CFAP57: variants seen among roughly 807,000 people sequenced by gnomAD.
CFAP57 encodes the protein cilia- and flagella-associated protein 57.
Under a neutral mutation model 146.8 loss-of-function variants are expected in CFAP57, and 116 were observed. That is an observed-to-expected ratio of 0.79 (90% CI 0.68 to 0.92). CFAP57 has a LOEUF of 0.92. Ranked by LOEUF, CFAP57 falls within the 40% of genes least tolerant of loss-of-function variation. CFAP57 has a pLI of 0.00. For synonymous variants in CFAP57, 518 were observed against 552.8 expected (o/e 0.94, Z 0.88); for missense variants, 1,377 against 1,527.2 (o/e 0.90, Z 1.64).
At chr1:43,190,722 T>C (rs1316532470) in intron 6 of CFAP57, among the ~76,000 whole-genome samples, 1 of 151,626 alleles carries the variant, frequency 6.6e-6, no homozygotes, top group Admixed American at 6.6e-5. Flanking sequence ...TTTTTTCCTG[T>C]GTCTATTGAA....
Position 43,185,308 on chromosome 1 carries a change from T to G in CFAP57, c.921T>G (p.Phe307Leu), listed in dbSNP as rs566366634. 1.5e-4 allele frequency: 243 copies of G among 1,613,934 alleles called. 1 individual carries two copies. In the South Asian group the frequency reaches 2.5e-3, roughly 17 times the overall value. ...CSAGPGRVLL[F>L]EKMEEKDFYR... Reference sequence around the variant, plus strand: ...CTGGGCCAGGGAGAGTTCTGCTGTTTGAGAAGATGGAAGAAAAGGATTTTT... The same window carrying G: ...CTGGGCCAGGGAGAGTTCTGCTGTTGGAGAAGATGGAAGAAAAGGATTTTT... The change falls in exon 5 of 23, where the codon TTT becomes TTG. Residue 307 changes from phenylalanine to leucine, a missense_variant. Physicochemically the swap from Phe to Leu is conservative, Grantham distance 22. Coordinates refer to ENST00000372492, the MANE Select transcript of CFAP57 (RefSeq NM_001378189.1).
At chr1:43,188,794 G>A (rs1643313315) in intron 6 of CFAP57, among the ~76,000 whole-genome samples, 1 of 152,006 alleles carries the variant, frequency 6.6e-6, no homozygotes, top group Non-Finnish European at 1.5e-5. Context: ...TTTTTCTTTT[G>A]TTGGTTGTGC....
chr1:43,253,768 C>T (rs1411158570), intron 22 of CFAP57, among the ~76,000 whole-genome samples: 3 of 152,050 alleles, frequency 2.0e-5, no homozygotes, highest in Non-Finnish European at 4.4e-5. Context: ...TCTCAGTATT[C>T]ACCTCATCAC....
intron 17 of CFAP57, among the ~76,000 whole-genome samples, chr1:43,225,451 T>C (rs935192264): frequency 1.3e-5 from 2 of 152,202 alleles, no homozygotes; most frequent in Non-Finnish European, 2.9e-5. Flanking sequence ...TGTGTTCCAA[T>C]AAAGTTTTAC....
At chr1:43,221,570 C>T (rs12139478) in intron 14 of CFAP57, 105 bp downstream of exon 14, 7,555 of 712,926 alleles carry the variant, frequency 0.011, 57 homozygotes, top group Admixed American at 0.029. Context: ...GGGAATATGG[C>T]TCTGTCTAAA....
rs116901323 is a variant in CFAP57, at chr1:43,182,803, T to C, written c.475-788T>C. 2.6e-3 allele frequency among the ~76,000 whole-genome samples: 395 copies of C among 152,252 alleles called. 7 individuals carry two copies. In the East Asian group the frequency reaches 0.038, roughly 15 times the overall value. On this transcript the variant is annotated intron_variant, in intron 3 of 22. Transcript: ENST00000372492. Reference sequence around the variant, plus strand: ...ATGAATCCAGCACTGGGAAAACAGATGAAAAAGTCACAGCCCCTCAAGTTG... The same window carrying C: ...ATGAATCCAGCACTGGGAAAACAGACGAAAAAGTCACAGCCCCTCAAGTTG...
chr1:43,173,333 A>G (rs987494860), intron 2 of CFAP57, among the ~76,000 whole-genome samples: 1 of 152,232 alleles, frequency 6.6e-6, no homozygotes, highest in Non-Finnish European at 1.5e-5. Flanking sequence ...AACCATTTGT[A>G]TAGCATTACA....
intron 18 of CFAP57, among the ~76,000 whole-genome samples, chr1:43,231,196 A>T (rs1243228646): frequency 1.3e-5 from 2 of 152,204 alleles, no homozygotes; most frequent in Non-Finnish European, 2.9e-5. Flanking sequence ...GCTTCCAGTA[A>T]TGAGGAAAAC....
intron 21 of CFAP57, among the ~76,000 whole-genome samples, chr1:43,237,988 A>T (rs1645767977): frequency 6.6e-6 from 1 of 152,228 alleles, no homozygotes; most frequent in African/African-American, 2.4e-5. Context: ...TTAAGGGTAG[A>T]TGAGAAGTAC....
At chr1:43,197,506 A>G (rs1569999203) in intron 6 of CFAP57, 47 bp from the exon 7 acceptor site, 1 of 1,614,138 alleles carries the variant, frequency 6.2e-7, no homozygotes. Context: ...ATGTACAGCC[A>G]GCCTTTTGCT....
chr1:43,223,963 G>A, intron 16 of CFAP57, 83 bp from the exon 17 acceptor site: 1 of 1,477,938 alleles, frequency 6.8e-7, no homozygotes, highest in African/African-American at 1.4e-5. Flanking sequence ...CAGTGGTGGG[G>A]AGCCCCTTAC....
At chr1:43,210,102 A>T in intron 11 of CFAP57, 186 bp downstream of exon 11, 1 of 1,613,024 alleles carries the variant, frequency 6.2e-7, no homozygotes, top group Non-Finnish European at 8.5e-7. Context: ...CCAGGAATTT[A>T]GCCTAGGAAA....
chr1:43,250,051 T>G (rs947497897), intron 22 of CFAP57, among the ~76,000 whole-genome samples: 8 of 152,192 alleles, frequency 5.3e-5, no homozygotes, highest in Non-Finnish European at 7.3e-5. Flanking sequence ...TAGTAAAGAT[T>G]TACATAAGTC....
At chr1:43,228,723 TGTC>T (rs1280320724) in intron 18 of CFAP57, among the ~76,000 whole-genome samples, 3 of 149,278 alleles carry the variant, frequency 2.0e-5, no homozygotes, top group Admixed American at 1.3e-4. Context: ...AAATGGCAGC[TGTC>T]GTCCTTTCGG....
chr1:43,206,127 A>G (rs373727072), intron 9 of CFAP57, among the ~76,000 whole-genome samples: 2 of 151,984 alleles, frequency 1.3e-5, no homozygotes, highest in South Asian at 2.1e-4. Flanking sequence ...TGCCCAGCTT[A>G]TTATTTTTAT....
At chr1:43,183,945 C>G (rs1440888659) in intron 4 of CFAP57, 68 bp downstream of exon 4, 2 of 1,598,206 alleles carry the variant, frequency 1.3e-6, no homozygotes, top group Admixed American at 1.7e-5. Context: ...GAAGACAGCA[C>G]TCTTTAGAAA....
intron 2 of CFAP57, among the ~76,000 whole-genome samples, chr1:43,173,814 C>T (rs1645069886): frequency 6.6e-6 from 1 of 152,220 alleles, no homozygotes; most frequent in African/African-American, 2.4e-5. Flanking sequence ...TGCAGATTCT[C>T]TAGGGCACAC....
chr1:43,180,939 C>G (rs1217243709), intron 2 of CFAP57, among the ~76,000 whole-genome samples: 35 of 152,096 alleles, frequency 2.3e-4, no homozygotes, highest in Admixed American at 2.3e-3. Context: ...TATGCTGTAC[C>G]CTTTGTCACA....
intron 22 of CFAP57, among the ~76,000 whole-genome samples, chr1:43,248,770 A>G (rs1646213874): frequency 6.6e-6 from 1 of 152,324 alleles, no homozygotes; most frequent in South Asian, 2.1e-4. Flanking sequence ...ATAACCTTAA[A>G]TTTTAGTGAA....
Sources: allele counts gnomAD v4.1 joint callset (sites outside exome capture counted in the v4.1 genomes callset), GRCh38; gene constraint gnomAD v4.1.1; transcripts MANE v1.5; gene names NCBI Gene and HGNC (gene_info 2026-07-23, HGNC 2026-07-21).